PHC2: variants seen among roughly 807,000 people sequenced by gnomAD.
PHC2 encodes polyhomeotic-like protein 2.
In PHC2, 29 loss-of-function variants were observed where a neutral mutation model predicts 87.4. That is an observed-to-expected ratio of 0.33 (90% CI 0.25 to 0.45). PHC2 has a LOEUF of 0.45. Among genes scored for constraint, PHC2 ranks in the 20% least tolerant of loss-of-function variants. The pLI is 1.00. For synonymous variants in PHC2, 438 were observed against 461.7 expected, an observed-to-expected ratio of 0.95 and a Z score of 0.66; for missense variants, 857 against 1,136.7, an observed-to-expected ratio of 0.75 and a Z score of 3.54.
intron 14 of PHC2, among the ~76,000 whole-genome samples, chr1:33,326,828 T>C (rs932867200): frequency 6.6e-6 from 1 of 152,134 alleles, no homozygotes; most frequent in Admixed American, 6.5e-5. Context: ...GGCGAATGTC[T>C]GTAATCCCAG....
intron 1 of PHC2, among the ~76,000 whole-genome samples, chr1:33,407,101 G>T (rs1649795733): frequency 6.6e-6 from 1 of 152,026 alleles, no homozygotes; most frequent in Non-Finnish European, 1.5e-5. Context: ...TTTCACTTTT[G>T]TAAGTTCTAT....
Position 33,332,060 on chromosome 1 carries a change from T to TG in PHC2, c.1891+214dup, listed in dbSNP as rs1462759987. 1.3e-5 allele frequency among the ~76,000 whole-genome samples: 2 copies of TG among 152,202 alleles called. No homozygotes were observed. Among genetic ancestry groups the TG allele is most frequent in the African/African-American group, 4.8e-5 (2 of 41,448 alleles). ...AAAGCCATTCTTGGGATCCTGTGGTTGGCTGGAGGGGGATTGGGGGAGCAG... is the reference window on the plus strand; with the variant it reads ...AAAGCCATTCTTGGGATCCTGTGGTTGGGCTGGAGGGGGATTGGGGGAGCAG... On this transcript the variant is annotated intron_variant, in intron 11 of 14. Coordinates refer to ENST00000683057, the MANE Select transcript of PHC2 (RefSeq NM_001385109.1). This position sits in a 1 kb window ranked among gnomAD's most constrained non-coding sequence, Gnocchi z 4.2.
At chr1:33,401,675 A>C (rs1649538338) in intron 1 of PHC2, among the ~76,000 whole-genome samples, 1 of 152,200 alleles carries the variant, frequency 6.6e-6, no homozygotes, top group African/African-American at 2.4e-5. Flanking sequence ...TTACCACTTA[A>C]TGGAACCAAA....
Position 33,418,026 on chromosome 1 carries a change from C to A in PHC2, c.-55+12950G>T, listed in dbSNP as rs72881947. 2.4e-3 allele frequency among the ~76,000 whole-genome samples: 367 copies of A among 152,072 alleles called. 1 individual carries two copies. The highest frequency in any genetic ancestry group is 8.4e-3 in the African/African-American group (350 of 41,474). On this transcript the variant is annotated intron_variant, in intron 1 of 14. Coordinates refer to ENST00000683057, the MANE Select transcript of PHC2 (RefSeq NM_001385109.1). ...AAGGAAAATTAGAAAATATTTTAAA[C>A]CTAGTGAAAACAAAAACATTACGTA...
chr1:33,358,519 A>T (rs75096324), intron 7 of PHC2, among the ~76,000 whole-genome samples: 1 of 152,222 alleles, frequency 6.6e-6, no homozygotes, highest in African/African-American at 2.4e-5. Context: ...GATCAAAAAA[A>T]AATCCTTTTG....
At chr1:33,388,784 A>C (rs1258043031) in intron 1 of PHC2, among the ~76,000 whole-genome samples, 1 of 152,218 alleles carries the variant, frequency 6.6e-6, no homozygotes, top group African/African-American at 2.4e-5. Context: ...GCATTGCTTT[A>C]GATCAGTGAT....
At chr1:33,401,206 GTCCCAGCTA>G (rs1487692911) in intron 1 of PHC2, among the ~76,000 whole-genome samples, 8 of 151,988 alleles carry the variant, frequency 5.3e-5, no homozygotes, top group African/African-American at 1.9e-4. Context: ...GGCACCTGTA[GTCCCAGCTA>G]CTCGGGAGGC....
In PHC2 at chr1:33,375,464, T is replaced by A. The variant is rs753965502; in HGVS notation, c.76A>T (p.Ser26Cys). ...CTGCTGCTGTTGTTGCAGCCACTGC[T>A]GCTACTGGCCCCGCTGGTACTGCTG... is the stretch of plus-strand genomic sequence containing the variant. The part of the protein sequence containing the change: ...ATSSTSGASS[S>C]SGCNNSSSGG... The change falls in exon 2 of 15, where the codon AGC becomes TGC. Residue 26 changes from serine to cysteine, a missense_variant. Physicochemically the swap from Ser to Cys is moderately radical, Grantham distance 112 (BLOSUM62 -1). This residue lies in a region of PHC2 where 832 missense variants were observed against 1,081.8 expected (regional missense o/e 0.77). Transcript: ENST00000683057. The A allele has an allele frequency of 6.2e-7, 1 of 1,612,856 alleles. No individual in the cohort carries two copies. The highest frequency in any genetic ancestry group is 8.5e-7 in the Non-Finnish European group (1 of 1,179,472).
At chr1:33,398,321 A>C (rs1227520644) in intron 1 of PHC2, among the ~76,000 whole-genome samples, 1 of 152,250 alleles carries the variant, frequency 6.6e-6, no homozygotes, top group Non-Finnish European at 1.5e-5. Context: ...GAGGAAGGAG[A>C]GAACTTTTGT....
intron 1 of PHC2, among the ~76,000 whole-genome samples, chr1:33,405,595 T>C (rs1246052991): frequency 3.9e-5 from 6 of 152,214 alleles, no homozygotes; most frequent in African/African-American, 1.4e-4. Flanking sequence ...ATTATTTCTT[T>C]CCTTCTACCT....
At chr1:33,345,716 G>A in intron 9 of PHC2, 2 of 984,616 alleles carry the variant, frequency 2.0e-6, no homozygotes, top group Non-Finnish European at 2.4e-6. Flanking sequence ...TTACTGATGG[G>A]GAAAAATCCA....
chr1:33,399,666 A>T (rs1236926978), intron 1 of PHC2, among the ~76,000 whole-genome samples: 1 of 152,072 alleles, frequency 6.6e-6, no homozygotes, highest in African/African-American at 2.4e-5. Context: ...TGAAATTTCT[A>T]TAGTAAGGCC....
chr1:33,384,677 T>C (rs1648654390), intron 1 of PHC2, among the ~76,000 whole-genome samples: 2 of 152,196 alleles, frequency 1.3e-5, no homozygotes, highest in South Asian at 4.1e-4. Flanking sequence ...CCGGAGCGCA[T>C]TCACCCTTTG....
At chr1:33,337,633 A>G (rs1031085666) in intron 9 of PHC2, among the ~76,000 whole-genome samples, 4 of 152,226 alleles carry the variant, frequency 2.6e-5, no homozygotes, top group Admixed American at 6.5e-5. Context: ...GTGCTAGCTT[A>G]CGAGAAAATG....
At chr1:33,403,380 C>T (rs1025535702) in intron 1 of PHC2, among the ~76,000 whole-genome samples, 13 of 151,948 alleles carry the variant, frequency 8.6e-5, no homozygotes, top group Admixed American at 2.6e-4. Flanking sequence ...CCGCCTCGGC[C>T]TCCCAAAATG....
Position 33,367,371 on chromosome 1 carries a change from TGGGGC to T in PHC2, c.716_720del (p.Gly239AspfsTer19), listed in dbSNP as rs1377207758. ...CTGGGCAGGACAGGCTGAGTGGGGGTGGGGCCCGAGGCTGCTGCCGCTGGTGTCTG... is the reference window on the plus strand; with the variant it reads ...CTGGGCAGGACAGGCTGAGTGGGGGTCCGAGGCTGCTGCCGCTGGTGTCTG... On this transcript the variant is annotated frameshift_variant, in exon 7 of 15. Transcript: ENST00000683057. LOFTEE classifies it high-confidence loss of function. 2 of 1,606,204 alleles carry T rather than the reference TGGGGC, an allele frequency of 1.2e-6. No individual in the cohort carries two copies. The highest frequency in any genetic ancestry group is 4.5e-5 in the East Asian group (2 of 44,612).
intron 1 of PHC2, among the ~76,000 whole-genome samples, chr1:33,397,913 A>T (rs1395051516): frequency 6.6e-6 from 1 of 152,104 alleles, no homozygotes; most frequent in Non-Finnish European, 1.5e-5. Context: ...CCCGGGGAGT[A>T]GGGGGAGGCA....
In PHC2 at chr1:33,361,268, T is replaced by C. The variant is rs567440285; in HGVS notation, c.976+5848A>G. On this transcript the variant is annotated intron_variant, in intron 7 of 14. Transcript: ENST00000683057. ...AGATAGTCAGAAGTCATTAACATGA[T>C]ATTGAGTGAGCCCTTACTATAGACT... Among the ~76,000 whole-genome samples, 6 of 152,256 alleles carry C rather than the reference T, an allele frequency of 3.9e-5. No homozygotes were observed. The South Asian group carries it at 1.2e-3, about 32-fold the overall frequency.
rs1192000100 is a variant in PHC2, at chr1:33,428,688, T to A, written c.-55+2288A>T. Among the ~76,000 whole-genome samples, 6 of 152,196 alleles carry A rather than the reference T, an allele frequency of 3.9e-5. No individual in the cohort carries two copies. The East Asian group carries it at 5.8e-4, about 15-fold the overall frequency. On this transcript the variant is annotated intron_variant, in intron 1 of 14. Coordinates refer to ENST00000683057, the MANE Select transcript of PHC2 (RefSeq NM_001385109.1). ...AGAGATAGATGCTAAGACAGCAGAA[T>A]GGGATTTTCTCTGCTCTGTTAGCTA... is the stretch of plus-strand genomic sequence containing the variant.
Sources: gnomAD v4.1 joint callset for allele counts (sites outside exome capture counted in the v4.1 genomes callset) on GRCh38, gnomAD v4.1.1 for gene constraint, gnomAD v4.1.1 regional missense constraint, Gnocchi (gnomAD v3.1) non-coding constraint, MANE v1.5 for transcripts, NCBI Gene and HGNC (gene_info 2026-07-23, HGNC 2026-07-21) for gene names.